LGALS9: variants seen among roughly 807,000 people sequenced by gnomAD.
LGALS9 encodes the protein galectin-9.
Under a neutral mutation model 35.9 loss-of-function variants are expected in LGALS9, and 26 were observed. That is an observed-to-expected ratio of 0.72 (90% CI 0.53 to 1.01). LGALS9 has a LOEUF of 1.01. Ranked by LOEUF, LGALS9 falls within the 50% of genes least tolerant of loss-of-function variation. LGALS9 has a pLI of 0.00. For missense variants in LGALS9, 347 were observed against 445.8 expected (o/e 0.78, Z 1.99); for synonymous variants, 149 against 172.2 (o/e 0.87, Z 1.06).
rs536367813 is a variant in LGALS9 at position 27,646,485 on chromosome 17, C to G, written c.628-62C>G. On this transcript the variant is annotated intron_variant, in intron 7 of 10. Transcript: ENST00000395473. ...TCCTCTCTAGAACGCGTGGGTGCGCCTGGGTGAGTGCTCGCGCACCCATGT... is the reference window on the plus strand; with the variant it reads ...TCCTCTCTAGAACGCGTGGGTGCGCGTGGGTGAGTGCTCGCGCACCCATGT... 7.1e-5 allele frequency: 115 copies of G among 1,610,672 alleles called. No homozygotes were observed. The Middle Eastern group carries it at 1.1e-3, about 16-fold the overall frequency.
chr17:27,645,540 C>A, intron 6 of LGALS9, 191 bp downstream of exon 6: 2 of 912,804 alleles, frequency 2.2e-6, no homozygotes, highest in Non-Finnish European at 1.6e-6. Context: ...TGAGTTGCCA[C>A]CCCGTGGGCA....
intron 4 of LGALS9, 87 bp downstream of exon 4, chr17:27,642,435 G>A: frequency 6.3e-7 from 1 of 1,584,856 alleles, no homozygotes; most frequent in Non-Finnish European, 8.6e-7. Context: ...GTGGGCCCAA[G>A]CCAATCTCCT....
chr17:27,642,392 G>C (rs757076583), intron 4 of LGALS9, 44 bp downstream of exon 4: 1 of 1,611,216 alleles, frequency 6.2e-7, no homozygotes, highest in South Asian at 1.1e-5. Flanking sequence ...CTGGGATGCA[G>C]GGCCCAGCGT....
intron 1 of LGALS9, among the ~76,000 whole-genome samples, chr17:27,634,378 G>A (rs193270310): frequency 9.1e-4 from 138 of 152,070 alleles, no homozygotes; most frequent in Admixed American, 2.8e-3. Context: ...GTGAGACCAC[G>A]TCTCTACAAA....
intron 3 of LGALS9, 168 bp downstream of exon 3, chr17:27,640,941 A>G (rs1198243635): frequency 1.7e-5 from 18 of 1,042,966 alleles, no homozygotes; most frequent in Non-Finnish European, 2.3e-5. Flanking sequence ...TAGTCTCCTT[A>G]TGCACCTTCA....
intron 8 of LGALS9, 126 bp from the exon 9 acceptor site, chr17:27,646,904 T>A: frequency 7.0e-7 from 1 of 1,433,010 alleles, no homozygotes; most frequent in Non-Finnish European, 9.5e-7. Context: ...AAAGTTTTCC[T>A]TTGGCTTTTA....
At chr17:27,634,700 A>T (rs1302537544) in intron 1 of LGALS9, among the ~76,000 whole-genome samples, 1 of 152,210 alleles carries the variant, frequency 6.6e-6, no homozygotes, top group East Asian at 1.9e-4. Flanking sequence ...TTGTGATCAC[A>T]TTGGGACCAC....
At chr17:27,633,925 T>A (rs1347824788) in intron 1 of LGALS9, among the ~76,000 whole-genome samples, 1 of 152,318 alleles carries the variant, frequency 6.6e-6, no homozygotes, top group Admixed American at 6.5e-5. Flanking sequence ...ATTGCTAGTG[T>A]ACAGAGCTGG....
At chr17:27,635,312 C>T (rs1372552472) in intron 1 of LGALS9, among the ~76,000 whole-genome samples, 4 of 152,020 alleles carry the variant, frequency 2.6e-5, no homozygotes, top group Non-Finnish European at 5.9e-5. Flanking sequence ...GTGGCCTGCA[C>T]CTATTTTGTC....
chr17:27,645,042 G>T (rs1848347421), intron 5 of LGALS9: 2 of 551,774 alleles, frequency 3.6e-6, no homozygotes, highest in Non-Finnish European at 6.5e-6. Flanking sequence ...GGGAGCTACA[G>T]AAAGCAATGA....
At chr17:27,635,442 CTAAATAAATAAATAAATAAATAAA>C (rs67262429) in intron 1 of LGALS9, among the ~76,000 whole-genome samples, 1 of 140,404 alleles carries the variant, frequency 7.1e-6, no homozygotes, top group Non-Finnish European at 1.5e-5. Flanking sequence ...GAACCCATCT[CTAAATAAATAAATAAATAAATAAA>C]TAAATAAATA....
At chr17:27,631,393 G>T in intron 1 of LGALS9, 89 bp downstream of exon 1, 4 of 1,553,334 alleles carry the variant, frequency 2.6e-6, no homozygotes, top group Non-Finnish European at 3.5e-6. Flanking sequence ...GGTGGCAGGG[G>T]ATGGGGGTGG....
At chr17:27,645,112 C>G (rs1904832449) in intron 5 of LGALS9, 2 of 988,412 alleles carry the variant, frequency 2.0e-6, no homozygotes. Flanking sequence ...TACCCTACCC[C>G]CCAACCCCAA....
Position 27,646,461 on chromosome 17 carries a change from C to A in LGALS9, c.628-86C>A, listed in dbSNP as rs1384375765. 2.5e-6 allele frequency: 4 copies of A among 1,598,502 alleles called. No homozygotes were observed. In the African/African-American group the frequency reaches 5.4e-5, roughly 21 times the overall value. ...CACGAGGTCAGCCTCACAGTGGAGT[C>A]CTCTCTAGAACGCGTGGGTGCGCCT... is the stretch of plus-strand genomic sequence containing the variant. On this transcript the variant is annotated intron_variant, in intron 7 of 10. Coordinates refer to ENST00000395473, the MANE Select transcript of LGALS9 (RefSeq NM_009587.3).
At chr17:27,631,497 G>A (rs2074392594) in intron 1 of LGALS9, among the ~76,000 whole-genome samples, 193 bp downstream of exon 1, 1 of 152,230 alleles carries the variant, frequency 6.6e-6, no homozygotes, top group African/African-American at 2.4e-5. Context: ...TGCCTGGAGG[G>A]ATGCTCCTTC....
intron 9 of LGALS9, 63 bp downstream of exon 9, chr17:27,647,181 C>A: frequency 6.2e-7 from 1 of 1,613,946 alleles, no homozygotes; most frequent in Non-Finnish European, 8.5e-7. Flanking sequence ...TCCAGCCATT[C>A]CCCTGGCTTC....
rs761194756 is a variant in LGALS9, at chr17:27,648,952, C to T, written c.1038C>T (p.Gly346=). 1.2e-5 allele frequency: 19 copies of T among 1,613,816 alleles called. 1 individual carries two copies. Among genetic ancestry groups the T allele is most frequent in the African/African-American group, 4.0e-5 (3 of 74,894 alleles). The change falls in exon 11 of 11, where the codon GGC becomes GGT. Residue 346 remains glycine, a synonymous_variant. Transcript: ENST00000395473. ...CCATCAACAGACTGGAAGTGGGGGG[C>T]GACATCCAGCTGACCCATGTGCAGA... ...LPTINRLEVG[G]DIQLTHVQT is the part of the protein sequence containing the mutation.
intron 3 of LGALS9, chr17:27,641,124 C>T (rs1904462243): frequency 6.7e-6 from 3 of 447,458 alleles, no homozygotes; most frequent in Non-Finnish European, 1.3e-5. Context: ...TCAGCGACAT[C>T]GTTCCAGCCT....
chr17:27,645,494 G>A, intron 6 of LGALS9, 145 bp downstream of exon 6: 1 of 1,300,438 alleles, frequency 7.7e-7, no homozygotes, highest in Non-Finnish European at 1.1e-6. Context: ...GCCTGGTGAG[G>A]TTGGGGGTTG....
Sources: gnomAD v4.1 joint callset for allele counts (sites outside exome capture counted in the v4.1 genomes callset) on GRCh38, gnomAD v4.1.1 for gene constraint, MANE v1.5 for transcripts, NCBI Gene and HGNC (gene_info 2026-07-23, HGNC 2026-07-21) for gene names.